COL4A4: variants seen among roughly 807,000 people sequenced by gnomAD.
COL4A4 encodes collagen type IV alpha 4 chain.
In COL4A4, 105 loss-of-function variants were observed where a neutral mutation model predicts 192.9. The observed-to-expected ratio is 0.54, with a 90% CI of 0.46 to 0.64. The LOEUF (loss-of-function observed/expected upper bound fraction) is 0.64. COL4A4 is among the 30% of genes least tolerant of loss of function. The probability of loss-of-function intolerance (pLI) is 0.00; values close to 1 mark genes in which losing one functional copy is unlikely to be tolerated. For synonymous variants in COL4A4, 762 were observed against 769.9 expected, an observed-to-expected ratio of 0.99 and a Z score of 0.17; for missense variants, 1,967 against 2,169.3, an observed-to-expected ratio of 0.91 and a Z score of 1.85.
At position 227,050,996 on chromosome 2, in the gene COL4A4, G is replaced by A; in HGVS notation, c.3131C>T (p.Pro1044Leu). 1.2e-6 allele frequency: 2 copies of A among 1,614,218 alleles called. No individual in the cohort carries two copies. Among genetic ancestry groups the A allele is most frequent in the Non-Finnish European group, 1.7e-6 (2 of 1,180,046 alleles). The part of the protein sequence containing the change: ...STGLRGFIGF[P>L]GLPGDQGEPG... ...CCTTACCTGGTCACCTGGAAGTCCT[G>A]GAAAACCAATGAACCCTCTTAGACC... Residue 1044 changes from proline to leucine, a missense_variant, in exon 33 of 48, where the codon CCA (proline) becomes CTA (leucine). Coordinates refer to ENST00000396625, the MANE Select transcript of COL4A4 (RefSeq NM_000092.5).
chr2:227,155,350 A>G (rs1444685894), intron 1 of COL4A4, among the ~76,000 whole-genome samples: 2 of 152,170 alleles, frequency 1.3e-5, no homozygotes, highest in Admixed American at 1.3e-4. Context: ...TCCTCCCAAT[A>G]TCAACAGAAA....
the COL4A4 span, among the ~76,000 whole-genome samples, chr2:226,989,686 G>A: frequency 6.6e-6 from 1 of 152,186 alleles, no homozygotes; most frequent in South Asian, 2.1e-4. Flanking sequence ...ACCTGACATA[G>A]TGGACCTGAT....
intron 25 of COL4A4, among the ~76,000 whole-genome samples, chr2:227,065,897 G>A (rs931808997): frequency 5.9e-5 from 9 of 152,256 alleles, no homozygotes; most frequent in Admixed American, 2.6e-4. Context: ...CGAGCTGAGA[G>A]AAGAAGGCTT....
Position 227,054,682 on chromosome 2 carries a change from A to G in COL4A4, c.2772T>C (p.Gly924=). Residue 924 remains glycine (G), a synonymous_variant, in exon 31 of 48, where the codon GGT becomes GGC. Coordinates refer to ENST00000396625, the MANE Select transcript of COL4A4 (RefSeq NM_000092.5). ...PGFPGERGKP[G]AEGCPGAKGE... Reference sequence around the variant, plus strand: ...CCTTTGCGCCAGGACATCCCTCTGCACCAGGCTTTCCTCTTTCTCCGGGAA... The same window carrying G: ...CCTTTGCGCCAGGACATCCCTCTGCGCCAGGCTTTCCTCTTTCTCCGGGAA... 1 of 1,614,188 alleles carries G rather than the reference A, an allele frequency of 6.2e-7. No homozygotes were observed. The highest frequency in any genetic ancestry group is 8.5e-7 in the Non-Finnish European group (1 of 1,180,024).
At chr2:227,037,913 T>A (rs189702170) in intron 37 of COL4A4, among the ~76,000 whole-genome samples, 3 of 152,342 alleles carry the variant, frequency 2.0e-5, no homozygotes, top group Non-Finnish European at 4.4e-5. Context: ...TTTATATCCT[T>A]CGCCCACTTT....
At chr2:226,988,254 A>G in the COL4A4 span, 1 of 1,383,040 alleles carries the variant, frequency 7.2e-7, no homozygotes, top group Non-Finnish European at 9.7e-7. Flanking sequence ...TAGGACTCAT[A>G]TCAGGGCCCT....
intron 5 of COL4A4, among the ~76,000 whole-genome samples, chr2:227,120,285 G>A (rs1397159086): frequency 2.6e-5 from 4 of 152,006 alleles, no homozygotes; most frequent in African/African-American, 9.7e-5. Flanking sequence ...CCAAAGTTGG[G>A]GTAGAATCTC....
chr2:227,036,705 T>C (rs1028037516), intron 37 of COL4A4, among the ~76,000 whole-genome samples: 2 of 152,182 alleles, frequency 1.3e-5, no homozygotes, highest in African/African-American at 4.8e-5. Context: ...GTCAAGACGA[T>C]GCGGGACAAG....
At chr2:226,995,185 T>C in the COL4A4 span, among the ~76,000 whole-genome samples, 2 of 151,792 alleles carry the variant, frequency 1.3e-5, no homozygotes, top group Non-Finnish European at 2.9e-5. Context: ...AAAATACAAG[T>C]GGGAAGATTA....
At chr2:226,994,240 TC>T in the COL4A4 span, among the ~76,000 whole-genome samples, 1 of 152,198 alleles carries the variant, frequency 6.6e-6, no homozygotes, top group Non-Finnish European at 1.5e-5. Flanking sequence ...TACTGTGTGT[TC>T]AGAACTGTCC....
intron 25 of COL4A4, among the ~76,000 whole-genome samples, chr2:227,067,567 T>C (rs1262306284): frequency 6.6e-6 from 1 of 152,064 alleles, no homozygotes; most frequent in Non-Finnish European, 1.5e-5. Context: ...AGAATCTCAC[T>C]CAAAACCACT....
intron 31 of COL4A4, among the ~76,000 whole-genome samples, chr2:227,053,675 G>A (rs1030046997): frequency 6.6e-6 from 1 of 151,000 alleles, no homozygotes; most frequent in Non-Finnish European, 1.5e-5. Flanking sequence ...AGCCTCCCGA[G>A]TAGCTGGGAC....
At chr2:227,106,131 T>TA (rs886587538) in intron 12 of COL4A4, among the ~76,000 whole-genome samples, 8 of 151,738 alleles carry the variant, frequency 5.3e-5, no homozygotes, top group Admixed American at 1.3e-4. Context: ...TTTTGTTTTT[T>TA]TTTCCTTGAT....
rs761646265 is a variant in COL4A4, at chr2:227,077,997, C to A, written c.1884G>T (p.Gly628=). ...LGPPGKAGPV[G]PPGLGFPGPP... ...GACCAGGAAATCCCAGTCCTGGGGG[C>A]CCCACAGGTCCTGCTTTGCCTGGGG... is the stretch of plus-strand genomic sequence containing the variant. Residue 628 remains glycine (G), a synonymous_variant, in exon 25 of 48, where the codon GGG becomes GGT. Transcript: ENST00000396625. 1 of 1,613,852 alleles carries A rather than the reference C, an allele frequency of 6.2e-7. No homozygotes were observed. The highest frequency in any genetic ancestry group is 8.5e-7 in the Non-Finnish European group (1 of 1,179,984).
rs1447298255 is a variant in COL4A4, at chr2:227,006,508, A to G, written c.*817T>C. 1 of 152,198 alleles carries G rather than the reference A, an allele frequency of 6.6e-6. No homozygotes were observed. The highest frequency in any genetic ancestry group is 2.4e-5 in the African/African-American group (1 of 41,406). The allele number at this position is 152,198 out of a possible 1,614,324, so 9.4% of individuals were successfully genotyped here. A position where few individuals can be genotyped will look rare whatever the true frequency, so the allele number is the denominator to read the frequency against. ...TCAATTTTTGTGAATAACTACCTTA[A>G]TATTCACTAATAGCTTTTAGGCTCC... On this transcript the variant is annotated 3_prime_UTR_variant, in exon 48 of 48. Coordinates refer to ENST00000396625, the MANE Select transcript of COL4A4 (RefSeq NM_000092.5).
At position 227,006,758 on chromosome 2, in the gene COL4A4, A is replaced by T. The variant is rs992928671; in HGVS notation, c.*567T>A. Reference sequence around the variant, plus strand: ...GGAACTGTTAACGCTGGCAGTGTGAATTTTTTTTTTTCTTCTTTAAAAAAA... The same window carrying T: ...GGAACTGTTAACGCTGGCAGTGTGATTTTTTTTTTTTCTTCTTTAAAAAAA... On this transcript the variant is annotated 3_prime_UTR_variant, in exon 48 of 48. Transcript: ENST00000396625. 6.5e-6 allele frequency: 1 copy of T among 153,110 alleles called. No homozygotes were observed. Among genetic ancestry groups the T allele is most frequent in the Admixed American group, 6.3e-5 (1 of 15,762 alleles). 9.5% of individuals were successfully genotyped at this position (153,110 alleles called of 1,614,324 possible). A position where few individuals can be genotyped will look rare whatever the true frequency, so the allele number is the denominator to read the frequency against.
At chr2:227,100,281 A>T (rs2060433924) in intron 17 of COL4A4, among the ~76,000 whole-genome samples, 1 of 152,214 alleles carries the variant, frequency 6.6e-6, no homozygotes, top group South Asian at 2.1e-4. Flanking sequence ...GAATTTTTTT[A>T]AACTCTCATG....
intron 42 of COL4A4, among the ~76,000 whole-genome samples, chr2:227,026,616 G>A (rs149738898): frequency 1.2e-4 from 18 of 152,180 alleles, no homozygotes; most frequent in East Asian, 5.8e-4. Flanking sequence ...AGGATACTGC[G>A]AAATATTCTG....
chr2:227,002,459 C>A (rs746710381), downstream of COL4A4, among the ~76,000 whole-genome samples: 1 of 152,262 alleles, frequency 6.6e-6, no homozygotes, highest in Non-Finnish European at 1.5e-5. Context: ...CCACTGACCA[C>A]TGCCCAAGCA....
Sources: gnomAD v4.1 joint callset for allele counts (sites outside exome capture counted in the v4.1 genomes callset) on GRCh38, gnomAD v4.1.1 for gene constraint, MANE v1.5 for transcripts, NCBI Gene and HGNC (gene_info 2026-07-23, HGNC 2026-07-21) for gene names.